KMO: variants seen among roughly 807,000 people sequenced by gnomAD.
The protein encoded by KMO is kynurenine 3-monooxygenase.
In KMO, 24 loss-of-function variants were observed where a neutral mutation model predicts 57.8. The ratio of observed to expected loss-of-function variants is 0.42; its 90% CI spans 0.30 to 0.58. The LOEUF is 0.58. Ranked by LOEUF, KMO falls within the 20% of genes least tolerant of loss-of-function variation. The pLI, the probability that KMO is intolerant of heterozygous loss-of-function variation, is 0.22. For missense variants in KMO, 483 were observed against 588.2 expected, an observed-to-expected ratio of 0.82 and a Z score of 1.85; for synonymous variants, 210 against 193.6, an observed-to-expected ratio of 1.08 and a Z score of -0.70.
chr1:241,590,457 G>C (rs1395353285), intron 14 of KMO, 194 bp downstream of exon 14: 1 of 540,018 alleles, frequency 1.9e-6, no homozygotes, highest in African/African-American at 1.9e-5. Flanking sequence ...GTGGCAAAGA[G>C]AGCTTTTGAA....
At chr1:241,571,115 G>A (rs1478410205) in intron 10 of KMO, among the ~76,000 whole-genome samples, 3 of 151,866 alleles carry the variant, frequency 2.0e-5, no homozygotes, top group Non-Finnish European at 4.4e-5. Flanking sequence ...ATTTATTTTT[G>A]TATGTTGATT....
intron 10 of KMO, among the ~76,000 whole-genome samples, chr1:241,580,463 T>C (rs1215697432): frequency 6.6e-6 from 1 of 152,156 alleles, no homozygotes; most frequent in Non-Finnish European, 1.5e-5. Flanking sequence ...TTTCTACTTT[T>C]TTGATGTAGG....
chr1:241,581,449 G>T (rs1662747225), intron 10 of KMO, among the ~76,000 whole-genome samples: 3 of 151,824 alleles, frequency 2.0e-5, no homozygotes, highest in Non-Finnish European at 4.4e-5. Flanking sequence ...GATATTCTCT[G>T]GTAGTATGTT....
chr1:241,577,035 G>A (rs1662549036), intron 10 of KMO, among the ~76,000 whole-genome samples: 1 of 152,034 alleles, frequency 6.6e-6, no homozygotes, highest in Non-Finnish European at 1.5e-5. Context: ...TTGTTAAAAT[G>A]TTCCACTGCA....
chr1:241,577,731 C>T (rs1238312541), intron 10 of KMO, among the ~76,000 whole-genome samples: 1 of 152,094 alleles, frequency 6.6e-6, no homozygotes, highest in Non-Finnish European at 1.5e-5. Flanking sequence ...AGGTTTCAGG[C>T]CAGTAGAGAA....
intron 1 of KMO, among the ~76,000 whole-genome samples, chr1:241,542,359 A>G (rs921912329): frequency 6.6e-6 from 1 of 152,236 alleles, no homozygotes; most frequent in Admixed American, 6.5e-5. Flanking sequence ...TGACCTGTAA[A>G]TAAGGAAGTA....
chr1:241,586,591 C>T (rs770387104), intron 10 of KMO, 88 bp from the exon 11 acceptor site: 2 of 868,486 alleles, frequency 2.3e-6, no homozygotes, highest in South Asian at 1.4e-5. Flanking sequence ...ATTATCTTCA[C>T]CAATGGAATA....
intron 4 of KMO, among the ~76,000 whole-genome samples, chr1:241,552,893 T>A (rs528097058): frequency 1.3e-5 from 2 of 152,308 alleles, no homozygotes; most frequent in South Asian, 4.1e-4. Context: ...CTGGAAACTG[T>A]CAAAATATTC....
intron 1 of KMO, among the ~76,000 whole-genome samples, chr1:241,538,626 G>C (rs996700142): frequency 2.0e-5 from 3 of 152,072 alleles, no homozygotes; most frequent in Admixed American, 2.0e-4. Context: ...GTTAGACCTG[G>C]GTTTCAGTTT....
At chr1:241,553,871 A>T (rs1573913652) in intron 4 of KMO, among the ~76,000 whole-genome samples, 1 of 152,220 alleles carries the variant, frequency 6.6e-6, no homozygotes. Context: ...CTCTTCAGTC[A>T]TTGCCACTGA....
At position 241,594,711 on chromosome 1, in the gene KMO, A is replaced by G; in HGVS notation, c.*2558A>G. 6.2e-7 allele frequency: 1 copy of G among 1,605,628 alleles called. No individual in the cohort carries two copies. Among genetic ancestry groups the G allele is most frequent in the East Asian group, 2.2e-5 (1 of 44,758 alleles). On this transcript the variant is annotated 3_prime_UTR_variant, in exon 15 of 15. Coordinates refer to ENST00000366559, the MANE Select transcript of KMO (RefSeq NM_003679.5). ...TCGAAACTGGGCAGAGAAAAAATAA[A>G]GTGGAATATTAAGTAAAAGTTGGGC...
intron 1 of KMO, among the ~76,000 whole-genome samples, chr1:241,536,226 T>C (rs149933400): frequency 1.1e-3 from 160 of 152,310 alleles, no homozygotes; most frequent in Non-Finnish European, 1.7e-3. Flanking sequence ...TTCTACAGTG[T>C]AGCTTTTCAA....
At chr1:241,591,337 C>A (rs906794818) in intron 14 of KMO, among the ~76,000 whole-genome samples, 2 of 151,808 alleles carry the variant, frequency 1.3e-5, no homozygotes, top group Non-Finnish European at 2.9e-5. Context: ...ATGATTTTCA[C>A]TATAGCTATG....
In KMO at chr1:241,571,471, T is replaced by G. The variant is rs140532730; in HGVS notation, c.957+2824T>G. Among the ~76,000 whole-genome samples the G allele has an allele frequency of 3.1e-3, 474 of 152,260 alleles. 2 individuals are homozygous for G. The highest frequency in any genetic ancestry group is 0.01 in the African/African-American group (436 of 41,564). On this transcript the variant is annotated intron_variant, in intron 10 of 14. Transcript: ENST00000366559. Reference sequence around the variant, plus strand: ...TGAGATATATTCCTTCTATACCCAGTTTTTTGAGAATTTTTATCATGAAGG... The same window carrying G: ...TGAGATATATTCCTTCTATACCCAGGTTTTTGAGAATTTTTATCATGAAGG...
intron 4 of KMO, among the ~76,000 whole-genome samples, chr1:241,552,381 C>A (rs1433374098): frequency 6.6e-6 from 1 of 152,122 alleles, no homozygotes; most frequent in Admixed American, 6.5e-5. Flanking sequence ...TTTTCTTTAT[C>A]GTCACTTTTA....
At chr1:241,537,434 T>C (rs886826018) in intron 1 of KMO, among the ~76,000 whole-genome samples, 1 of 152,176 alleles carries the variant, frequency 6.6e-6, no homozygotes, top group Non-Finnish European at 1.5e-5. Flanking sequence ...AGCTATACCA[T>C]GAAAAAGACA....
At chr1:241,551,296 G>T (rs571764102) in intron 4 of KMO, among the ~76,000 whole-genome samples, 1 of 152,218 alleles carries the variant, frequency 6.6e-6, no homozygotes, top group Admixed American at 6.5e-5. Flanking sequence ...TTGCCTTTGC[G>T]CTGCCCTGCT....
chr1:241,583,357 C>G (rs1662830978), intron 10 of KMO, among the ~76,000 whole-genome samples: 1 of 152,198 alleles, frequency 6.6e-6, no homozygotes, highest in African/African-American at 2.4e-5. Context: ...TGAACCCTGC[C>G]AGGACTCAGT....
chr1:241,548,963 C>T (rs1457055013), intron 2 of KMO, 65 bp downstream of exon 2: 8 of 1,055,038 alleles, frequency 7.6e-6, no homozygotes, highest in South Asian at 7.6e-5. Context: ...CTTTGGGAGG[C>T]CAGGGCACAT....
Sources: allele counts gnomAD v4.1 joint callset (sites outside exome capture counted in the v4.1 genomes callset), GRCh38; gene constraint gnomAD v4.1.1; transcripts MANE v1.5; gene names NCBI Gene and HGNC (gene_info 2026-07-23, HGNC 2026-07-21).